Variants in ST7L observed in about 807,000 individuals in gnomAD.
ST7L encodes suppression of tumorigenicity 7 like.
In ST7L, 57 loss-of-function variants were observed where a neutral mutation model predicts 72.5. That is an observed-to-expected ratio of 0.79 (90% CI 0.64 to 0.98). The LOEUF (loss-of-function observed/expected upper bound fraction) is 0.98. Ranked by LOEUF, ST7L falls within the 50% of genes least tolerant of loss-of-function variation. The pLI, the probability that ST7L is intolerant of heterozygous loss-of-function variation, is 0.00. For missense variants in ST7L, 576 were observed against 672.2 expected (o/e 0.86, Z 1.58); for synonymous variants, 221 against 240.9 (o/e 0.92, Z 0.77).
intron 5 of ST7L, among the ~76,000 whole-genome samples, chr1:112,596,542 T>C (rs1666507106): frequency 6.6e-6 from 1 of 152,204 alleles, no homozygotes; most frequent in Admixed American, 6.5e-5. Context: ...TATAAATTGC[T>C]CAGAACAGTG....
chr1:112,525,977 G>C lies in ST7L; in HGVS notation c.*36C>G, dbSNP rs1382853017. On this transcript the variant is annotated 3_prime_UTR_variant, in exon 15 of 15. Transcript: ENST00000358039. ...TTACAGATGCTGTTCAGAAAAATTTGGTGATTTGTCCAAGGTCACATGAAC... is the reference window on the plus strand; with the variant it reads ...TTACAGATGCTGTTCAGAAAAATTTCGTGATTTGTCCAAGGTCACATGAAC... The C allele has an allele frequency of 1.2e-6, 2 of 1,611,788 alleles. No homozygotes were observed. The highest frequency in any genetic ancestry group is 3.3e-5 in the Admixed American group (2 of 59,876).
At chr1:112,565,690 A>G (rs1187252507) in intron 11 of ST7L, among the ~76,000 whole-genome samples, 2 of 152,156 alleles carry the variant, frequency 1.3e-5, no homozygotes, top group East Asian at 3.9e-4. Flanking sequence ...AAACACTAAA[A>G]TAACATCCAC....
At chr1:112,614,390 G>A (rs1411141761) in intron 2 of ST7L, among the ~76,000 whole-genome samples, 1 of 152,154 alleles carries the variant, frequency 6.6e-6, no homozygotes, top group African/African-American at 2.4e-5. Context: ...CTTAAAGACA[G>A]TTTATCGTCT....
Position 112,566,294 on chromosome 1 carries a change from C to CTTTTTT in ST7L, c.1246-10277_1246-10276insAAAAAA, listed in dbSNP as rs33915951. Among the ~76,000 whole-genome samples, 132 of 108,934 alleles carry CTTTTTT rather than the reference C, an allele frequency of 1.2e-3. 4 individuals are homozygous for CTTTTTT. Among genetic ancestry groups the CTTTTTT allele is most frequent in the African/African-American group, 1.7e-3 (41 of 24,042 alleles). 71.5% of individuals were successfully genotyped at this position (108,934 alleles called of 152,430 possible). On this transcript the variant is annotated intron_variant, in intron 11 of 14. Transcript: ENST00000358039. ...TTTTCTTTTATTTCTTTTTCTTCTT[C>CTTTTTT]TTCTTTTTTTTTTTTTTTTTTGAGA...
chr1:112,526,409 G>A, intron 14 of ST7L: 1 of 256,450 alleles, frequency 3.9e-6, no homozygotes, highest in Non-Finnish European at 7.6e-6. Context: ...AGACACAGTA[G>A]AAGTAGTCAT....
At chr1:112,542,942 T>C (rs1161362558) in intron 13 of ST7L, among the ~76,000 whole-genome samples, 3 of 151,838 alleles carry the variant, frequency 2.0e-5, no homozygotes, top group Admixed American at 6.6e-5. Context: ...TGGGATTACA[T>C]GCACAGGCCA....
In ST7L at chr1:112,526,054, G is replaced by A. The variant is rs75947674; in HGVS notation, c.1687C>T (p.Gln563Ter). Residue 563 changes from glutamine to a stop codon, truncating the protein, a stop_gained, in exon 15 of 15, where the codon CAG (glutamine) becomes TAG (stop). Transcript: ENST00000358039. LOFTEE classifies it high-confidence loss of function. ...CCTAGGTCTTCTGACTTCAAATCCT[G>A]TGTATTCTCCTCAAAGCCTGAGGAT... ...WASSGFEENT[Q>*]DLKSEDLGLS... 4.1e-5 allele frequency: 66 copies of A among 1,614,156 alleles called. No homozygotes were observed. The African/African-American group carries it at 8.0e-4, about 20-fold the overall frequency.
At chr1:112,617,721 A>T (rs201903613) in intron 1 of ST7L, among the ~76,000 whole-genome samples, 29,236 of 124,678 alleles carry the variant, frequency 0.23, 3,290 homozygotes, top group East Asian at 0.45. Context: ...TCTCTCTCAC[A>T]CACACACACA....
At chr1:112,577,199 CA>C in intron 10 of ST7L, 111 bp from the exon 11 acceptor site, 3 of 506,438 alleles carry the variant, frequency 5.9e-6, no homozygotes, top group East Asian at 3.7e-5. Flanking sequence ...TGGAGATGGC[CA>C]AAAACAAAGC....
At chr1:112,520,427 T>C (rs1557924842), downstream of ST7L, 1 of 1,614,180 alleles carries the variant, frequency 6.2e-7, no homozygotes. Flanking sequence ...TGCTGTGCTG[T>C]ACGGTGCAAG....
chr1:112,584,580 T>A (rs1279561060), intron 6 of ST7L, among the ~76,000 whole-genome samples: 1 of 151,994 alleles, frequency 6.6e-6, no homozygotes, highest in Non-Finnish European at 1.5e-5. Flanking sequence ...CTGGGCCTCC[T>A]GGGTTCAAGC....
intron 11 of ST7L, among the ~76,000 whole-genome samples, chr1:112,564,642 C>A (rs1341114354): frequency 6.6e-6 from 1 of 151,908 alleles, no homozygotes; most frequent in Non-Finnish European, 1.5e-5. Context: ...CATGGTGAAA[C>A]CCTGCCTCTA....
chr1:112,531,581 C>T (rs999246802), intron 14 of ST7L, among the ~76,000 whole-genome samples: 1 of 152,164 alleles, frequency 6.6e-6, no homozygotes, highest in African/African-American at 2.4e-5. Flanking sequence ...AATAACTCAC[C>T]ATTCCCTTCC....
chr1:112,531,128 C>A (rs958988308), intron 14 of ST7L, among the ~76,000 whole-genome samples: 1 of 152,192 alleles, frequency 6.6e-6, no homozygotes, highest in African/African-American at 2.4e-5. Flanking sequence ...TCTTACTATT[C>A]TATTCTTCTT....
chr1:112,573,920 T>G (rs938158878), intron 11 of ST7L, among the ~76,000 whole-genome samples: 11 of 141,840 alleles, frequency 7.8e-5, no homozygotes, highest in African/African-American at 2.4e-4. Context: ...GTTTTTTTTT[T>G]TTTTTTTTTT....
At chr1:112,605,471 A>T (rs951480519) in intron 3 of ST7L, among the ~76,000 whole-genome samples, 1 of 151,996 alleles carries the variant, frequency 6.6e-6, no homozygotes, top group African/African-American at 2.4e-5. Flanking sequence ...CAGGCAGATC[A>T]CCTGAGGTTG....
At chr1:112,604,552 T>C (rs1667903794) in intron 3 of ST7L, among the ~76,000 whole-genome samples, 1 of 151,864 alleles carries the variant, frequency 6.6e-6, no homozygotes, top group Non-Finnish European at 1.5e-5. Flanking sequence ...GACATCCCCA[T>C]TCTCAAATGA....
In ST7L at chr1:112,619,092, C is replaced by T. The variant is rs772794472; in HGVS notation, c.22G>A (p.Gly8Ser). The change falls in exon 1 of 15, where the codon GGT (glycine) becomes AGT (serine). Residue 8 changes from glycine to serine, a missense_variant. By Grantham distance (56) the Gly-to-Ser change is moderately conservative. This residue lies in a region of ST7L where 56 missense variants were observed against 45.8 expected (regional missense o/e 1.22). Transcript: ENST00000358039. ...GACGCTCCAACAGCTGCGGCTTCAC[C>T]CACGCCGCCACGGTCCGCCATCTTG... MADRGGV[G>S]EAAAVGASPA... 1 of 1,613,262 alleles carries T rather than the reference C, an allele frequency of 6.2e-7. No individual in the cohort carries two copies. Among genetic ancestry groups the T allele is most frequent in the African/African-American group, 1.3e-5 (1 of 74,934 alleles).
chr1:112,608,465 A>G (rs1668602971), intron 3 of ST7L, among the ~76,000 whole-genome samples: 1 of 152,158 alleles, frequency 6.6e-6, no homozygotes, highest in Admixed American at 6.5e-5. Context: ...TATCATATAT[A>G]AGATACTCTA....
Sources: allele counts gnomAD v4.1 joint callset (sites outside exome capture counted in the v4.1 genomes callset), GRCh38; gene constraint gnomAD v4.1.1; regional missense constraint gnomAD v4.1.1; transcripts MANE v1.5; gene names NCBI Gene and HGNC (gene_info 2026-07-23, HGNC 2026-07-21).